The following XKR9 variants were observed in gnomAD, a reference collection of about 807,000 sequenced individuals.
XKR9 encodes XK-related protein 9.
A neutral mutation model predicts 32.0 loss-of-function variants in XKR9; 32 were observed. The observed-to-expected ratio is 1.00, with a 90% CI of 0.76 to 1.34. The LOEUF (loss-of-function observed/expected upper bound fraction) is 1.34. XKR9 is among the 40% of genes most tolerant of loss of function. The pLI is 0.00. For synonymous variants in XKR9, 168 were observed against 143.4 expected, an observed-to-expected ratio of 1.17 and a Z score of -1.22; for missense variants, 546 against 429.7, an observed-to-expected ratio of 1.27 and a Z score of -2.39.
the XKR9 span, among the ~76,000 whole-genome samples, chr8:70,912,119 G>A: frequency 6.6e-6 from 1 of 152,132 alleles, no homozygotes. Context: ...TATGGTTCAG[G>A]ATGGCTGTGC....
chr8:70,896,001 C>A, the XKR9 span, among the ~76,000 whole-genome samples: 1 of 152,008 alleles, frequency 6.6e-6, no homozygotes, highest in East Asian at 1.9e-4. Flanking sequence ...GAGAAAGACC[C>A]TACTTTAAAA....
intron 3 of XKR9, among the ~76,000 whole-genome samples, chr8:70,694,365 A>G (rs1230773192): frequency 6.6e-6 from 1 of 152,214 alleles, no homozygotes; most frequent in Non-Finnish European, 1.5e-5. Context: ...TGCCCAAACA[A>G]CAAAGATGGT....
the XKR9 span, among the ~76,000 whole-genome samples, chr8:70,877,123 G>A: frequency 6.6e-6 from 1 of 152,198 alleles, no homozygotes; most frequent in African/African-American, 2.4e-5. Context: ...TCACAGGGTG[G>A]CAAGGAGAGA....
At chr8:70,868,271 TG>T in the XKR9 span, among the ~76,000 whole-genome samples, 2 of 152,232 alleles carry the variant, frequency 1.3e-5, no homozygotes, top group East Asian at 3.9e-4. Context: ...GGACTCTGTG[TG>T]GGGGCTCTGA....
At chr8:70,809,517 G>T in the XKR9 span, among the ~76,000 whole-genome samples, 2 of 152,122 alleles carry the variant, frequency 1.3e-5, no homozygotes, top group African/African-American at 4.8e-5. Context: ...GGAAGTTCGA[G>T]CCCATGGCGA....
the XKR9 span, among the ~76,000 whole-genome samples, chr8:70,850,480 A>G: frequency 1.3e-5 from 2 of 149,926 alleles, no homozygotes; most frequent in Admixed American, 6.7e-5. Flanking sequence ...AAAAAAAAAA[A>G]AAAAGAAAGA....
At chr8:71,007,318 C>A in the XKR9 span, among the ~76,000 whole-genome samples, 6 of 152,094 alleles carry the variant, frequency 3.9e-5, no homozygotes, top group African/African-American at 9.7e-5. Context: ...GAGATATGAT[C>A]CCTGCTATGA....
chr8:70,897,762 G>A, the XKR9 span, among the ~76,000 whole-genome samples: 1 of 151,970 alleles, frequency 6.6e-6, no homozygotes, highest in Non-Finnish European at 1.5e-5. Flanking sequence ...GAGCTATTCT[G>A]GTTATTACTC....
the XKR9 span, among the ~76,000 whole-genome samples, chr8:70,824,901 G>A: frequency 7.2e-5 from 11 of 151,918 alleles, no homozygotes; most frequent in Non-Finnish European, 1.5e-4. Context: ...AGGGCAACAA[G>A]TACTAAGTAG....
chr8:70,988,518 G>A, the XKR9 span, among the ~76,000 whole-genome samples: 5 of 152,094 alleles, frequency 3.3e-5, no homozygotes, highest in African/African-American at 9.7e-5. Flanking sequence ...GCTTCTGGTG[G>A]AATTATAAAG....
chr8:71,059,644 A>G, the XKR9 span, among the ~76,000 whole-genome samples: 3 of 152,182 alleles, frequency 2.0e-5, no homozygotes, highest in Non-Finnish European at 4.4e-5. Flanking sequence ...GCTCACATTA[A>G]AACTGAAAGT....
the XKR9 span, among the ~76,000 whole-genome samples, chr8:70,812,775 G>C: frequency 1.3e-5 from 2 of 152,144 alleles, no homozygotes; most frequent in African/African-American, 4.8e-5. Context: ...ACAAACCACT[G>C]CTCAGTGAAA....
chr8:70,738,979 A>C (rs1369768286), downstream of XKR9, among the ~76,000 whole-genome samples: 2 of 152,162 alleles, frequency 1.3e-5, no homozygotes, highest in African/African-American at 2.4e-5. Context: ...GTAGATGTCT[A>C]TTAGGTCCGC....
At chr8:70,787,378 C>T (rs544040737) in intron 2 of XKR9, among the ~76,000 whole-genome samples, 1 of 152,186 alleles carries the variant, frequency 6.6e-6, no homozygotes, top group South Asian at 2.1e-4. Context: ...TAGTGGGTGA[C>T]TCAGTTAAGA....
At chr8:70,926,897 T>C in the XKR9 span, among the ~76,000 whole-genome samples, 18 of 152,136 alleles carry the variant, frequency 1.2e-4, no homozygotes, top group African/African-American at 4.3e-4. Context: ...AGGAAAGTTA[T>C]ATGAACTTTC....
chr8:70,952,415 C>T, the XKR9 span, among the ~76,000 whole-genome samples: 1 of 152,288 alleles, frequency 6.6e-6, no homozygotes, highest in African/African-American at 2.4e-5. Context: ...ATTATTCTTC[C>T]TTTCCTGCTA....
At chr8:70,689,667 G>T (rs1056423687) in intron 3 of XKR9, among the ~76,000 whole-genome samples, 7 of 151,916 alleles carry the variant, frequency 4.6e-5, no homozygotes, top group Non-Finnish European at 7.4e-5. Context: ...AATATACTGT[G>T]CAATGGCATA....
chr8:70,828,083 T>C, the XKR9 span, among the ~76,000 whole-genome samples: 10 of 152,148 alleles, frequency 6.6e-5, no homozygotes, highest in Non-Finnish European at 1.5e-4. Flanking sequence ...CACATTAAAA[T>C]AGATAAGATG....
At position 70,734,220 on chromosome 8, in the gene XKR9, G is replaced by C; in HGVS notation, c.918G>C (p.Trp306Cys). The change falls in exon 5 of 5, where the codon TGG becomes TGC. Residue 306 changes from tryptophan to cysteine, a missense_variant. Physicochemically the swap from Trp to Cys is radical, Grantham distance 215. Coordinates refer to ENST00000408926, the MANE Select transcript of XKR9 (RefSeq NM_001011720.2). ...LGTLGILTVF[W>C]VCPLTIFNPD... ...CTTTGGGGATATTGACTGTATTCTG[G>C]GTTTGCCCCCTCACTATTTTTAATC... The C allele has an allele frequency of 6.2e-7, 1 of 1,612,824 alleles. No homozygotes were observed. Among genetic ancestry groups the C allele is most frequent in the Non-Finnish European group, 8.5e-7 (1 of 1,179,422 alleles).
Sources: allele counts gnomAD v4.1 joint callset (sites outside exome capture counted in the v4.1 genomes callset), GRCh38; gene constraint gnomAD v4.1.1; transcripts MANE v1.5; gene names NCBI Gene and HGNC (gene_info 2026-07-23, HGNC 2026-07-21).